MINDY4: variants seen among roughly 807,000 people sequenced by gnomAD.
MINDY4 encodes the protein probable ubiquitin carboxyl-terminal hydrolase MINDY-4.
Under a neutral mutation model 87.0 loss-of-function variants are expected in MINDY4, and 68 were observed. That is an observed-to-expected ratio of 0.78 (90% CI 0.64 to 0.96). The LOEUF is 0.96. MINDY4 is among the 40% of genes least tolerant of loss of function. The pLI, the probability that MINDY4 is intolerant of heterozygous loss-of-function variation, is 0.00. For synonymous variants in MINDY4, 379 were observed against 363.2 expected, an observed-to-expected ratio of 1.04 and a Z score of -0.50; for missense variants, 919 against 928.2, an observed-to-expected ratio of 0.99 and a Z score of 0.13.
chr7:30,815,397 A>G (rs1050260790), intron 5 of MINDY4, among the ~76,000 whole-genome samples: 4 of 152,144 alleles, frequency 2.6e-5, no homozygotes, highest in African/African-American at 9.7e-5. Context: ...TTAGTGGCCC[A>G]CCCACACCTG....
At chr7:30,828,602 C>G (rs968390828) in intron 5 of MINDY4, 77 bp from the exon 6 acceptor site, 3 of 1,455,166 alleles carry the variant, frequency 2.1e-6, no homozygotes, top group Non-Finnish European at 2.9e-6. Flanking sequence ...GCCTATCCAT[C>G]GCTCTTAACA....
Position 30,882,948 on chromosome 7 carries a change from C to G in MINDY4, c.2180C>G (p.Thr727Arg). 6.2e-7 allele frequency: 1 copy of G among 1,614,094 alleles called. No individual in the cohort carries two copies. Among genetic ancestry groups the G allele is most frequent in the East Asian group, 2.2e-5 (1 of 44,866 alleles). The part of the protein sequence containing the change: ...IDTTQTISED[T>R]DNDLVPPLEL... ...ACCACCCAAACCATCTCTGAGGACA[C>G]AGACAACGACCTTGTCCCACCCCTC... The change falls in exon 17 of 18, where the codon ACA (threonine) becomes AGA (arginine). Residue 727 changes from threonine to arginine, a missense_variant. By Grantham distance (71) the Thr-to-Arg change is moderately conservative. Coordinates refer to ENST00000265299, the MANE Select transcript of MINDY4 (RefSeq NM_032222.3).
chr7:30,852,629 CAG>C (rs1366877468), intron 11 of MINDY4, among the ~76,000 whole-genome samples: 1 of 139,778 alleles, frequency 7.2e-6, no homozygotes, highest in Non-Finnish European at 1.5e-5. Context: ...GGGGGTGGGG[CAG>C]GGGTGGTAAG....
intron 13 of MINDY4, among the ~76,000 whole-genome samples, chr7:30,867,873 A>C (rs528819419): frequency 2.6e-5 from 4 of 152,246 alleles, no homozygotes; most frequent in South Asian, 4.1e-4. Context: ...TTTTCAATAG[A>C]GTCATGGACC....
At chr7:30,796,889 C>G (rs940589815) in intron 5 of MINDY4, 11 of 115,432 alleles carry the variant, frequency 9.5e-5, no homozygotes, top group African/African-American at 4.7e-4. Context: ...TTCCTGGAGT[C>G]ATACCCTCAA....
intron 4 of MINDY4, among the ~76,000 whole-genome samples, chr7:30,790,079 G>A (rs1051557084): frequency 6.6e-6 from 1 of 152,204 alleles, no homozygotes; most frequent in African/African-American, 2.4e-5. Flanking sequence ...AGTAGTGAGC[G>A]TTTGCTGACT....
chr7:30,812,385 G>T (rs1469981737), intron 5 of MINDY4, among the ~76,000 whole-genome samples: 1 of 151,926 alleles, frequency 6.6e-6, no homozygotes, highest in Admixed American at 6.6e-5. Context: ...TTTTCATTCA[G>T]TTTTCCTGTT....
intron 2 of MINDY4, chr7:30,781,266 T>C (rs1318442325): frequency 6.6e-6 from 1 of 152,284 alleles, no homozygotes; most frequent in Non-Finnish European, 1.5e-5. Context: ...CCAAATTACT[T>C]AGGGGAATTT....
chr7:30,833,859 C>G (rs1006461594), intron 6 of MINDY4, among the ~76,000 whole-genome samples: 1 of 152,256 alleles, frequency 6.6e-6, no homozygotes, highest in Non-Finnish European at 1.5e-5. Context: ...GCAGTCAAAT[C>G]TTAAAGCTCC....
intron 5 of MINDY4, among the ~76,000 whole-genome samples, chr7:30,802,889 A>T (rs780493989): frequency 7.1e-4 from 108 of 151,836 alleles, no homozygotes; most frequent in Non-Finnish European, 4.6e-4. Flanking sequence ...CCAACCATCC[A>T]TTCATCCAAC....
intron 17 of MINDY4, among the ~76,000 whole-genome samples, chr7:30,886,876 A>G (rs1409059844): frequency 2.0e-5 from 3 of 152,082 alleles, no homozygotes; most frequent in African/African-American, 7.2e-5. Flanking sequence ...CATCTCAGCA[A>G]AAAAACAGGC....
chr7:30,787,581 G>C (rs1258386325), intron 4 of MINDY4, among the ~76,000 whole-genome samples: 1 of 152,216 alleles, frequency 6.6e-6, no homozygotes, highest in African/African-American at 2.4e-5. Flanking sequence ...CACCATTATT[G>C]GGTTGAGTGG....
chr7:30,833,431 C>T (rs1328652330), intron 6 of MINDY4, among the ~76,000 whole-genome samples: 5 of 152,164 alleles, frequency 3.3e-5, no homozygotes, highest in Non-Finnish European at 7.3e-5. Flanking sequence ...ACAAGACCAG[C>T]ACAGGGAAGA....
Position 30,773,305 on chromosome 7 carries a change from G to C in MINDY4, c.63+1749G>C, listed in dbSNP as rs559490351. On this transcript the variant is annotated intron_variant, in intron 1 of 17. Coordinates refer to ENST00000265299, the MANE Select transcript of MINDY4 (RefSeq NM_032222.3). ...ATCCTCGTAACAGTCCTGAAAGATA[G>C]GTATAAGTATTCCCTTTCACATAAG... Among the ~76,000 whole-genome samples, 5 of 152,288 alleles carry C rather than the reference G, an allele frequency of 3.3e-5. No individual in the cohort carries two copies. In the South Asian group the frequency reaches 8.3e-4, roughly 25 times the overall value.
Position 30,892,108 on chromosome 7 carries a change from C to G in MINDY4, c.*103C>G, listed in dbSNP as rs1790809816. On this transcript the variant is annotated 3_prime_UTR_variant, in exon 18 of 18. Coordinates refer to ENST00000265299, the MANE Select transcript of MINDY4 (RefSeq NM_032222.3). ...TGGGGCAGGTCTCATGTACCCCAAC[C>G]TGGGTCAGCATGACTGCAGAAGCAT... 1.5e-6 allele frequency: 2 copies of G among 1,304,662 alleles called. No homozygotes were observed. The highest frequency in any genetic ancestry group is 2.2e-6 in the Non-Finnish European group (2 of 902,270). The allele number at this position is 1,304,662 out of a possible 1,614,324, so 80.8% of individuals were successfully genotyped here. A position where few individuals can be genotyped will look rare whatever the true frequency, so the allele number is the denominator to read the frequency against.
intron 16 of MINDY4, among the ~76,000 whole-genome samples, 199 bp from the exon 17 acceptor site, chr7:30,882,722 G>A (rs1376254304): frequency 6.7e-6 from 1 of 150,118 alleles, no homozygotes; most frequent in East Asian, 1.9e-4. Flanking sequence ...GAGTATTGTG[G>A]TAGCTAAAGT....
chr7:30,818,425 G>A (rs937901882), intron 5 of MINDY4, among the ~76,000 whole-genome samples: 12 of 152,216 alleles, frequency 7.9e-5, no homozygotes, highest in African/African-American at 2.9e-4. Flanking sequence ...ATTTCTGTAT[G>A]TAGGGTGCTA....
intron 2 of MINDY4, among the ~76,000 whole-genome samples, chr7:30,779,301 C>T (rs947708980): frequency 6.6e-6 from 1 of 152,170 alleles, no homozygotes; most frequent in African/African-American, 2.4e-5. Context: ...AAAGTGTTGT[C>T]CGATGGCATA....
At chr7:30,797,893 G>C (rs7785179) in intron 5 of MINDY4, among the ~76,000 whole-genome samples, 76,761 of 151,932 alleles carry the variant, frequency 0.51, 20,014 homozygotes, top group African/African-American at 0.58. Flanking sequence ...CTAGAATATG[G>C]GTGTATACAT....
Sources: allele counts gnomAD v4.1 joint callset (sites outside exome capture counted in the v4.1 genomes callset), GRCh38; gene constraint gnomAD v4.1.1; transcripts MANE v1.5; gene names NCBI Gene and HGNC (gene_info 2026-07-23, HGNC 2026-07-21).